Variants in GRAMD1A observed in about 807,000 individuals in gnomAD.
GRAMD1A encodes GRAM domain containing 1A, also known as protein Aster-A.
A neutral mutation model predicts 92.0 loss-of-function variants in GRAMD1A; 50 were observed. The observed-to-expected ratio is 0.54, with a 90% CI of 0.43 to 0.69. The LOEUF (loss-of-function observed/expected upper bound fraction) is 0.69, where lower values mean the gene tolerates loss of function less well. Among genes scored for constraint, GRAMD1A ranks in the 30% least tolerant of loss-of-function variants. The pLI, the probability that GRAMD1A is intolerant of heterozygous loss-of-function variation, is 0.00. For synonymous variants in GRAMD1A, 405 were observed against 403.6 expected (o/e 1.00, Z -0.04); for missense variants, 819 against 978.9 (o/e 0.84, Z 2.18).
chr19:35,011,473 G>A lies in GRAMD1A; in HGVS notation c.526-1G>A, dbSNP rs1167700400. The A allele has an allele frequency of 1.9e-6, 3 of 1,606,548 alleles. No individual in the cohort carries two copies. Among genetic ancestry groups the A allele is most frequent in the Non-Finnish European group, 1.7e-6 (2 of 1,176,518 alleles). On this transcript the variant is annotated splice_acceptor_variant, in intron 6 of 19. Coordinates refer to ENST00000317991, the MANE Select transcript of GRAMD1A (RefSeq NM_020895.5). LOFTEE classifies it high-confidence loss of function. Reference sequence around the variant, plus strand: ...CCTCTCTCTCTCTCTCTCCCTGACAGCATTTCTTCACTTCCTTTGGGGCCC... The same window carrying A: ...CCTCTCTCTCTCTCTCTCCCTGACAACATTTCTTCACTTCCTTTGGGGCCC...
chr19:35,008,930 A>G (rs1256146086), intron 1 of GRAMD1A, among the ~76,000 whole-genome samples, 189 bp from the exon 2 acceptor site: 1 of 152,244 alleles, frequency 6.6e-6, no homozygotes, highest in Non-Finnish European at 1.5e-5. Flanking sequence ...TGGATTACTG[A>G]TGAAGTAACC....
At chr19:35,005,021 GGCT>G (rs1225605959) in intron 1 of GRAMD1A, among the ~76,000 whole-genome samples, 1 of 152,078 alleles carries the variant, frequency 6.6e-6, no homozygotes, top group Non-Finnish European at 1.5e-5. Flanking sequence ...CCACACTCCA[GGCT>G]GCTGCCCTGG....
At position 35,013,733 on chromosome 19, in the gene GRAMD1A, G is replaced by GTATC; in HGVS notation, c.870+42_870+43insTATC. On this transcript the variant is annotated intron_variant, in intron 9 of 19. Coordinates refer to ENST00000317991, the MANE Select transcript of GRAMD1A (RefSeq NM_020895.5). The surrounding 1 kb of genome is among the most constrained non-coding windows in gnomAD (Gnocchi z 4.9). ...AAGAGGGGTGGGATACTGATAGGAAGAGAGAGGAGGGCTGGGGGTGCAGTG... is the reference window on the plus strand; with the variant it reads ...AAGAGGGGTGGGATACTGATAGGAAGTATCAGAGAGGAGGGCTGGGGGTGCAGTG... The GTATC allele has an allele frequency of 6.4e-7, 1 of 1,558,472 alleles. No homozygotes were observed. The highest frequency in any genetic ancestry group is 1.2e-5 in the South Asian group (1 of 85,490).
Position 35,011,470 on chromosome 19 carries a change from A to T in GRAMD1A, c.526-4A>T. ...ACACCTCTCTCTCTCTCTCTCCCTG[A>T]CAGCATTTCTTCACTTCCTTTGGGG... On this transcript the variant is annotated splice_polypyrimidine_tract_variant and splice_region_variant and intron_variant, in intron 6 of 19. Coordinates refer to ENST00000317991, the MANE Select transcript of GRAMD1A (RefSeq NM_020895.5). 6.2e-7 allele frequency: 1 copy of T among 1,606,884 alleles called. No homozygotes were observed.
chr19:35,019,446 T>C lies in GRAMD1A; in HGVS notation c.1388T>C (p.Leu463Pro). Residue 463 changes from leucine (L) to proline (P), a missense_variant, in exon 13 of 20, where the codon CTG becomes CCG. Physicochemically the swap from Leu to Pro is moderately conservative, Grantham distance 98. Transcript: ENST00000317991. ...GGGTGTGTGGTGGACTCCGAGGTGCTGACGCAGGGCATCCCCTACCAGGAC... is the reference window on the plus strand; with the variant it reads ...GGGTGTGTGGTGGACTCCGAGGTGCCGACGCAGGGCATCCCCTACCAGGAC... ...AGGCVVDSEV[L>P]TQGIPYQDYF... The C allele has an allele frequency of 6.2e-7, 1 of 1,613,880 alleles. No individual in the cohort carries two copies.
intron 19 of GRAMD1A, among the ~76,000 whole-genome samples, chr19:35,025,845 G>A (rs1327200986): frequency 2.0e-5 from 3 of 152,114 alleles, no homozygotes; most frequent in African/African-American, 7.2e-5. Context: ...GGGGTCACAG[G>A]CACACACTAA....
chr19:35,011,446 CACCT>C (rs759679397), intron 6 of GRAMD1A, 24 bp from the exon 7 acceptor site: 26 of 1,544,616 alleles, frequency 1.7e-5, no homozygotes, highest in Non-Finnish European at 2.2e-5. Flanking sequence ...AACCTGCTCA[CACCT>C]CTCTCTCTCT....
chr19:35,022,063 C>T (rs2151734898), intron 16 of GRAMD1A, 25 bp downstream of exon 16: 1 of 1,551,896 alleles, frequency 6.4e-7, no homozygotes, highest in East Asian at 2.2e-5. Context: ...GGAGCAGTGG[C>T]CACACAGGCC....
At chr19:35,010,957 G>A (rs902619973) in intron 6 of GRAMD1A, among the ~76,000 whole-genome samples, 3 of 151,920 alleles carry the variant, frequency 2.0e-5, no homozygotes, top group Non-Finnish European at 2.9e-5. Flanking sequence ...AATTAACCAG[G>A]TGTGGTGGCA....
intron 19 of GRAMD1A, 154 bp downstream of exon 19, chr19:35,023,701 G>T: frequency 1.5e-6 from 1 of 679,176 alleles, no homozygotes; most frequent in Non-Finnish European, 2.4e-6. Context: ...CCACAGCATT[G>T]CAGGGGAAAG....
At chr19:35,004,791 C>T (rs894103935) in intron 1 of GRAMD1A, among the ~76,000 whole-genome samples, 3 of 152,116 alleles carry the variant, frequency 2.0e-5, no homozygotes, top group African/African-American at 7.2e-5. Flanking sequence ...TCCGCCAGTC[C>T]CTGTGGGAGG....
rs777600439 is a variant in GRAMD1A, at chr19:35,021,502, A to C, written c.1476A>C (p.Arg492=). The stretch of plus-strand genomic sequence containing the variant: ...CCTTCCCCTGATCTCCCAACCCCAG[A>C]GTGTCTTCTGAGATCCGCTACCGAA... The part of the protein sequence containing the change: ...LGLARNKARL[R]VSSEIRYRKQ... Residue 492 remains arginine, a splice_region_variant and synonymous_variant, in exon 14 of 20, where the codon CGA becomes CGC. Coordinates refer to ENST00000317991, the MANE Select transcript of GRAMD1A (RefSeq NM_020895.5). This position sits in a 1 kb window ranked among gnomAD's most constrained non-coding sequence, Gnocchi z 5.3. 13 of 1,610,890 alleles carry C rather than the reference A, an allele frequency of 8.1e-6. No homozygotes were observed. Among genetic ancestry groups the C allele is most frequent in the Admixed American group, 3.3e-5 (2 of 59,994 alleles).
chr19:35,017,392 G>GC (rs1032871289), intron 11 of GRAMD1A, among the ~76,000 whole-genome samples: 10 of 152,014 alleles, frequency 6.6e-5, no homozygotes, highest in African/African-American at 2.2e-4. Context: ...GGGCCTTGTA[G>GC]CCCCCCAACA....
At chr19:35,011,605 T>C (rs752108540) in intron 7 of GRAMD1A, 51 bp downstream of exon 7, 2 of 1,330,452 alleles carry the variant, frequency 1.5e-6, no homozygotes, top group Admixed American at 1.7e-5. Flanking sequence ...AGGGGGACCA[T>C]GGAGCCAGGG....
Position 35,009,885 on chromosome 19 carries a change from C to G in GRAMD1A, c.241-3C>G. On this transcript the variant is annotated splice_region_variant and splice_polypyrimidine_tract_variant and intron_variant, in intron 3 of 19. Coordinates refer to ENST00000317991, the MANE Select transcript of GRAMD1A (RefSeq NM_020895.5). ...CAGGTTCTCACCTCTCAAACTTCCTCAGATGCTGAGCCCCACTTATAAGCA... is the reference window on the plus strand; with the variant it reads ...CAGGTTCTCACCTCTCAAACTTCCTGAGATGCTGAGCCCCACTTATAAGCA... 1 of 1,597,444 alleles carries G rather than the reference C, an allele frequency of 6.3e-7. No homozygotes were observed. Among genetic ancestry groups the G allele is most frequent in the Non-Finnish European group, 8.6e-7 (1 of 1,164,748 alleles).
At position 35,021,540 on chromosome 19, in the gene GRAMD1A, G is replaced by T. The variant is rs760657333; in HGVS notation, c.1514G>T (p.Ser505Ile). The T allele has an allele frequency of 6.2e-7, 1 of 1,614,180 alleles. No homozygotes were observed. Among genetic ancestry groups the T allele is most frequent in the Admixed American group, 1.7e-5 (1 of 60,032 alleles). Residue 505 changes from serine to isoleucine, a missense_variant, in exon 14 of 20, where the codon AGC (serine) becomes ATC (isoleucine). Physicochemically the swap from Ser to Ile is moderately radical, Grantham distance 142 (BLOSUM62 -2). Transcript: ENST00000317991. This position sits in a 1 kb window ranked among gnomAD's most constrained non-coding sequence, Gnocchi z 5.3. ...SEIRYRKQPW[S>I]LVKSLIEKNS... ...ATCCGCTACCGAAAGCAGCCGTGGA[G>T]CCTGGTGAAGTCGCTCATTGAGAAG... is the stretch of plus-strand genomic sequence containing the variant.
rs570172238 is a variant in GRAMD1A, at chr19:35,018,276, C to T, written c.1214-915C>T. Among the ~76,000 whole-genome samples, 16 of 152,282 alleles carry T rather than the reference C, an allele frequency of 1.1e-4. No homozygotes were observed. In the South Asian group the frequency reaches 2.7e-3, roughly 26 times the overall value. ...TTTCCCGAAGTGCTGGGATTACAGG[C>T]GTGAGCCACTGTGCCCGGCTGCCTC... is the stretch of plus-strand genomic sequence containing the variant. On this transcript the variant is annotated intron_variant, in intron 11 of 19. Coordinates refer to ENST00000317991, the MANE Select transcript of GRAMD1A (RefSeq NM_020895.5).
At chr19:34,996,341 G>T (rs1357630879), upstream of GRAMD1A, 1 of 1,397,512 alleles carries the variant, frequency 7.2e-7, no homozygotes, top group Non-Finnish European at 9.5e-7. Context: ...GTCTAGGGAG[G>T]GTTCTCTCTG....
In GRAMD1A at chr19:35,022,240, G is replaced by C. The variant is rs77402758; in HGVS notation, c.1841+202G>C. ...TTCCCTGCTAGAACAGCAGAGCCGG[G>C]GGGGGCTATGGGAGATCAGAGGGGC... On this transcript the variant is annotated intron_variant, in intron 16 of 19. Coordinates refer to ENST00000317991, the MANE Select transcript of GRAMD1A (RefSeq NM_020895.5). 5.7e-3 allele frequency among the ~76,000 whole-genome samples: 861 copies of C among 152,272 alleles called. 3 individuals carry two copies. The highest frequency in any genetic ancestry group is 8.8e-3 in the Non-Finnish European group (598 of 68,016).
Sources: gnomAD v4.1 joint callset for allele counts (sites outside exome capture counted in the v4.1 genomes callset) on GRCh38, gnomAD v4.1.1 for gene constraint, Gnocchi (gnomAD v3.1) non-coding constraint, MANE v1.5 for transcripts, NCBI Gene and HGNC (gene_info 2026-07-23, HGNC 2026-07-21) for gene names.